FUT8: variants seen among roughly 807,000 people sequenced by gnomAD.
FUT8 encodes the protein fucosyltransferase 8, also known as alpha-(1,6)-fucosyltransferase.
FUT8 carries 29 observed loss-of-function variants against 71.3 expected under a neutral mutation model. That is an observed-to-expected ratio of 0.41 (90% CI 0.30 to 0.55). The LOEUF (loss-of-function observed/expected upper bound fraction) is 0.55, where lower values mean the gene tolerates loss of function less well. FUT8 is among the 20% of genes least tolerant of loss of function. FUT8 has a pLI of 0.34. For missense variants in FUT8, 544 were observed against 702.1 expected, an observed-to-expected ratio of 0.77 and a Z score of 2.55; for synonymous variants, 254 against 239.3, an observed-to-expected ratio of 1.06 and a Z score of -0.57.
chr14:65,432,744 TC>T (rs2065495659), intron 1 of FUT8, among the ~76,000 whole-genome samples: 2 of 152,082 alleles, frequency 1.3e-5, no homozygotes, highest in African/African-American at 2.4e-5. Flanking sequence ...CTACTACACT[TC>T]CATTAGCACC....
At chr14:65,687,592 G>A (rs947515365) in intron 7 of FUT8, among the ~76,000 whole-genome samples, 3 of 151,962 alleles carry the variant, frequency 2.0e-5, no homozygotes, top group Admixed American at 6.6e-5. Flanking sequence ...CTTTTTGGTC[G>A]GTTTTGAATG....
At chr14:65,721,191 C>T (rs781398895) in intron 7 of FUT8, among the ~76,000 whole-genome samples, 19 of 150,674 alleles carry the variant, frequency 1.3e-4, no homozygotes, top group Non-Finnish European at 2.2e-4. Context: ...GTGGGGGCAG[C>T]GATTGGTTGA....
At chr14:65,697,575 C>T (rs1429320748) in intron 7 of FUT8, among the ~76,000 whole-genome samples, 2 of 152,162 alleles carry the variant, frequency 1.3e-5, no homozygotes, top group Admixed American at 1.3e-4. Context: ...CGTGAAAATT[C>T]TCTGGAACTG....
At chr14:65,733,161 G>T in intron 9 of FUT8, 70 bp from the exon 10 acceptor site, 4 of 933,760 alleles carry the variant, frequency 4.3e-6, no homozygotes, top group Non-Finnish European at 6.2e-6. Flanking sequence ...CTTAGTCAAA[G>T]GAGAAAGTCT....
chr14:65,537,008 G>A (rs1307228853), intron 2 of FUT8, among the ~76,000 whole-genome samples: 1 of 117,554 alleles, frequency 8.5e-6, no homozygotes, highest in Non-Finnish European at 1.7e-5. Context: ...ATTTCAGAAA[G>A]CCAGTCTTCA....
At chr14:65,647,020 G>A (rs1891154131) in intron 6 of FUT8, among the ~76,000 whole-genome samples, 1 of 152,020 alleles carries the variant, frequency 6.6e-6, no homozygotes, top group African/African-American at 2.4e-5. Flanking sequence ...ATTGTGATAA[G>A]TAATTTAACA....
At chr14:65,396,248 A>G in the FUT8 span, among the ~76,000 whole-genome samples, 3 of 152,090 alleles carry the variant, frequency 2.0e-5, no homozygotes, top group Admixed American at 1.3e-4. The surrounding 1 kb of genome is among the most constrained non-coding windows in gnomAD (Gnocchi z 5.5). Context: ...TCACTTCCAC[A>G]TTTTCAGTTA....
chr14:65,468,389 A>ATTTTT, intron 2 of FUT8: 13 of 314,580 alleles, frequency 4.1e-5, no homozygotes, highest in East Asian at 3.7e-4. Flanking sequence ...GAAAGGTTGG[A>ATTTTT]TTTTTTTTTT....
chr14:65,475,141 G>T (rs189309700), intron 2 of FUT8, among the ~76,000 whole-genome samples: 1 of 151,744 alleles, frequency 6.6e-6, no homozygotes, highest in Admixed American at 6.6e-5. Context: ...CTCAACAAGC[G>T]TAGTTAACAA....
At position 65,413,325 on chromosome 14, in the gene FUT8, G is replaced by A. The variant is rs929202602; in HGVS notation, c.-326+111G>A. The A allele has an allele frequency of 2.0e-5, 3 of 152,428 alleles. No individual in the cohort carries two copies. Among genetic ancestry groups the A allele is most frequent in the African/African-American group, 7.2e-5 (3 of 41,474 alleles). 9.4% of individuals were successfully genotyped at this position (152,428 alleles called of 1,614,324 possible). On this transcript the variant is annotated intron_variant, in intron 1 of 10. Transcript: ENST00000673929. This position sits in a 1 kb window ranked among gnomAD's most constrained non-coding sequence, Gnocchi z 4.1. ...TGTCCCTGCTCGTTCACCCGGGCCTGTTGCTGCAACTGCTGCCGGTTAACC... is the reference window on the plus strand; with the variant it reads ...TGTCCCTGCTCGTTCACCCGGGCCTATTGCTGCAACTGCTGCCGGTTAACC...
At chr14:65,588,877 T>C (rs139164300) in intron 3 of FUT8, among the ~76,000 whole-genome samples, 11 of 152,330 alleles carry the variant, frequency 7.2e-5, no homozygotes, top group Admixed American at 7.2e-4. Flanking sequence ...GAGAAAACAG[T>C]GTATATAGGA....
chr14:65,378,502 G>T, the FUT8 span, among the ~76,000 whole-genome samples: 1 of 152,118 alleles, frequency 6.6e-6, no homozygotes, highest in East Asian at 1.9e-4. Flanking sequence ...CTCTAGGAGA[G>T]AAATAGAGGC....
At chr14:65,599,406 AG>A (rs1314769451) in intron 3 of FUT8, among the ~76,000 whole-genome samples, 4 of 152,220 alleles carry the variant, frequency 2.6e-5, no homozygotes, top group Non-Finnish European at 5.9e-5. Context: ...AGTGCTTGAA[AG>A]GAGGCAAAAG....
At chr14:65,683,416 G>T (rs532209608) in intron 7 of FUT8, among the ~76,000 whole-genome samples, 1 of 152,268 alleles carries the variant, frequency 6.6e-6, no homozygotes, top group South Asian at 2.1e-4. Flanking sequence ...GGCAAAAGTT[G>T]TCAAGTTAAG....
At chr14:65,421,747 C>CTT (rs1555359420) in intron 1 of FUT8, among the ~76,000 whole-genome samples, 12 of 79,190 alleles carry the variant, frequency 1.5e-4, no homozygotes, top group Admixed American at 2.9e-4. Flanking sequence ...CCACCCCCCC[C>CTT]TTTTTTTTTT....
chr14:65,587,175 C>T (rs916209702), intron 3 of FUT8, among the ~76,000 whole-genome samples: 18 of 144,530 alleles, frequency 1.2e-4, no homozygotes, highest in Admixed American at 1.2e-3. Context: ...GGCGACAGAG[C>T]GAGACTCTGT....
the FUT8 span, among the ~76,000 whole-genome samples, chr14:65,375,638 C>T: frequency 4.0e-5 from 6 of 151,302 alleles, no homozygotes; most frequent in Non-Finnish European, 7.4e-5. Context: ...AAGAATAGGG[C>T]GGGAGTACTA....
intron 7 of FUT8, among the ~76,000 whole-genome samples, chr14:65,683,398 AGAATATTG>A (rs1893132144): frequency 2.0e-5 from 3 of 152,218 alleles, no homozygotes; most frequent in Non-Finnish European, 4.4e-5. Context: ...ATGCTTTTGA[AGAATATTG>A]GCAAAAGTTG....
chr14:65,388,623 G>C, the FUT8 span, among the ~76,000 whole-genome samples: 6 of 152,152 alleles, frequency 3.9e-5, no homozygotes, highest in South Asian at 1.0e-3. Flanking sequence ...TTAGCCGGGC[G>C]TGATGGTGTG....
Sources: gnomAD v4.1 joint callset for allele counts (sites outside exome capture counted in the v4.1 genomes callset) on GRCh38, gnomAD v4.1.1 for gene constraint, Gnocchi (gnomAD v3.1) non-coding constraint, MANE v1.5 for transcripts, NCBI Gene and HGNC (gene_info 2026-07-23, HGNC 2026-07-21) for gene names.